The following ZNF804B variants were observed in gnomAD, a reference collection of about 807,000 sequenced individuals.
ZNF804B encodes the protein zinc finger protein 804B.
In ZNF804B, 80 loss-of-function variants were observed where a neutral mutation model predicts 101.4. The observed-to-expected ratio is 0.79, with a 90% CI of 0.66 to 0.95. The LOEUF (loss-of-function observed/expected upper bound fraction) is 0.95, where lower values mean the gene tolerates loss of function less well. Among genes scored for constraint, ZNF804B ranks in the 40% least tolerant of loss-of-function variants. The probability of loss-of-function intolerance (pLI) is 0.00; values close to 1 mark genes in which losing one functional copy is unlikely to be tolerated. For synonymous variants in ZNF804B, 622 were observed against 558.8 expected (o/e 1.11, Z -1.59); for missense variants, 1,673 against 1,561.9 (o/e 1.07, Z -1.20).
At chr7:88,972,879 G>C (rs1334396897) in intron 1 of ZNF804B, among the ~76,000 whole-genome samples, 1 of 151,420 alleles carries the variant, frequency 6.6e-6, no homozygotes, top group Non-Finnish European at 1.5e-5. Flanking sequence ...ATAGCGTTAT[G>C]AGTGACAGAC....
chr7:89,120,809 T>G (rs1402256359), intron 1 of ZNF804B, among the ~76,000 whole-genome samples: 4 of 152,296 alleles, frequency 2.6e-5, no homozygotes, highest in Admixed American at 1.3e-4. Flanking sequence ...TCAAATAGTT[T>G]GCAAAAGAAA....
At chr7:88,851,476 T>C (rs1791449487) in intron 1 of ZNF804B, among the ~76,000 whole-genome samples, 1 of 152,038 alleles carries the variant, frequency 6.6e-6, no homozygotes, top group African/African-American at 2.4e-5. Flanking sequence ...TGGAGCAACA[T>C]CTTTAAAATA....
At chr7:89,301,050 C>T (rs1046575367) in intron 2 of ZNF804B, among the ~76,000 whole-genome samples, 5 of 148,466 alleles carry the variant, frequency 3.4e-5, no homozygotes, top group Admixed American at 1.3e-4. Flanking sequence ...TGATAAAAAT[C>T]CTCTTATATT....
At chr7:88,867,203 C>T (rs111285280) in intron 1 of ZNF804B, among the ~76,000 whole-genome samples, 7 of 152,000 alleles carry the variant, frequency 4.6e-5, no homozygotes, top group African/African-American at 1.2e-4. Context: ...ATGAGAGAGG[C>T]GATTTTTTTA....
intron 2 of ZNF804B, among the ~76,000 whole-genome samples, chr7:89,229,847 A>G (rs919024801): frequency 6.6e-6 from 1 of 152,188 alleles, no homozygotes; most frequent in Admixed American, 6.5e-5. Context: ...TTAAATAAAA[A>G]ATCATACAAA....
intron 1 of ZNF804B, among the ~76,000 whole-genome samples, chr7:88,861,318 GA>G (rs1562815158): frequency 6.6e-6 from 1 of 152,034 alleles, no homozygotes; most frequent in Non-Finnish European, 1.5e-5. Flanking sequence ...TGGAATTAAA[GA>G]AAAAGATGAA....
intron 2 of ZNF804B, among the ~76,000 whole-genome samples, chr7:89,281,143 C>A (rs975858369): frequency 6.6e-6 from 1 of 152,080 alleles, no homozygotes; most frequent in African/African-American, 2.4e-5. Flanking sequence ...TTAAGGTATT[C>A]TTCTTTAAGA....
Position 88,980,880 on chromosome 7 carries a change from C to G in ZNF804B, c.108+220796C>G, listed in dbSNP as rs575737089. Among the ~76,000 whole-genome samples the G allele has an allele frequency of 6.6e-5, 10 of 152,178 alleles. No homozygotes were observed. In the South Asian group the frequency reaches 2.1e-3, roughly 32 times the overall value. The stretch of plus-strand genomic sequence containing the variant: ...ATTTACAGCTGCTTATTCCAGCCAG[C>G]CTATTGTCCTTCCCTTCAGACCAGT... On this transcript the variant is annotated intron_variant, in intron 1 of 3. Coordinates refer to ENST00000333190, the MANE Select transcript of ZNF804B (RefSeq NM_181646.5).
At chr7:89,247,341 G>A (rs60403713) in intron 2 of ZNF804B, among the ~76,000 whole-genome samples, 7,213 of 152,276 alleles carry the variant, frequency 0.047, 551 homozygotes, top group African/African-American at 0.16. Flanking sequence ...TGAGGCAACA[G>A]AGGGCTTCTG....
At chr7:88,785,823 C>T (rs1790293785) in intron 1 of ZNF804B, among the ~76,000 whole-genome samples, 1 of 152,102 alleles carries the variant, frequency 6.6e-6, no homozygotes, top group African/African-American at 2.4e-5. Context: ...CCCTCCTACT[C>T]CTTGACTTTT....
intron 1 of ZNF804B, among the ~76,000 whole-genome samples, chr7:89,212,232 G>A (rs936062797): frequency 6.8e-6 from 1 of 147,854 alleles, no homozygotes; most frequent in Non-Finnish European, 1.5e-5. Context: ...TAATTTTATA[G>A]TGTCACATGC....
chr7:89,018,458 G>A (rs768817388), intron 1 of ZNF804B, among the ~76,000 whole-genome samples: 9 of 125,218 alleles, frequency 7.2e-5, no homozygotes, highest in Non-Finnish European at 1.2e-4. Flanking sequence ...AGGAATATTG[G>A]TCTGTAGTTT....
chr7:89,288,284 C>G (rs2115889975), intron 2 of ZNF804B, among the ~76,000 whole-genome samples: 1 of 151,924 alleles, frequency 6.6e-6, no homozygotes, highest in East Asian at 1.9e-4. Context: ...GTCAGAAGAT[C>G]TAACAGATAT....
intron 2 of ZNF804B, among the ~76,000 whole-genome samples, chr7:89,225,776 C>T (rs1385114689): frequency 6.6e-6 from 1 of 151,766 alleles, no homozygotes; most frequent in Non-Finnish European, 1.5e-5. Context: ...AGGTGTGCCA[C>T]CCCAGTATGT....
intron 2 of ZNF804B, among the ~76,000 whole-genome samples, chr7:89,220,795 G>T (rs1465640616): frequency 1.3e-5 from 2 of 151,910 alleles, no homozygotes; most frequent in Non-Finnish European, 2.9e-5. Flanking sequence ...TGGTTGGCAT[G>T]TCTTGAAGTT....
intron 1 of ZNF804B, among the ~76,000 whole-genome samples, chr7:88,809,140 AAG>A (rs1224440925): frequency 6.6e-6 from 1 of 152,184 alleles, no homozygotes; most frequent in Non-Finnish European, 1.5e-5. Context: ...TCTAATGTGA[AAG>A]AATCTGCCTT....
intron 1 of ZNF804B, among the ~76,000 whole-genome samples, chr7:89,140,647 C>G (rs1245839832): frequency 3.3e-5 from 5 of 152,052 alleles, no homozygotes; most frequent in Non-Finnish European, 7.4e-5. Context: ...TCTGCAGATT[C>G]CTTACCTCCC....
At chr7:89,156,967 T>C (rs1263834574) in intron 1 of ZNF804B, among the ~76,000 whole-genome samples, 2 of 152,166 alleles carry the variant, frequency 1.3e-5, no homozygotes, top group Admixed American at 6.6e-5. Flanking sequence ...TTGTGGGGTC[T>C]ACCCTTTTCG....
At chr7:89,249,226 A>AT (rs1386865030) in intron 2 of ZNF804B, among the ~76,000 whole-genome samples, 27 of 152,174 alleles carry the variant, frequency 1.8e-4, no homozygotes, top group African/African-American at 6.3e-4. Context: ...CGCTGACAGC[A>AT]TTAGGCAAGG....
Sources: gnomAD v4.1 joint callset for allele counts (sites outside exome capture counted in the v4.1 genomes callset) on GRCh38, gnomAD v4.1.1 for gene constraint, MANE v1.5 for transcripts, NCBI Gene and HGNC (gene_info 2026-07-23, HGNC 2026-07-21) for gene names.